LRRC66: variants seen among roughly 807,000 people sequenced by gnomAD.
LRRC66 encodes the protein leucine rich repeat containing 66.
LRRC66 carries 29 observed loss-of-function variants against 24.6 expected under a neutral mutation model. That is an observed-to-expected ratio of 1.18 (90% CI 0.88 to 1.61). The LOEUF (loss-of-function observed/expected upper bound fraction) is 1.61. Among genes scored for constraint, LRRC66 ranks in the 40% most tolerant of loss-of-function variants. The pLI, the probability that LRRC66 is intolerant of heterozygous loss-of-function variation, is 0.00. For missense variants in LRRC66, 1,124 were observed against 1,058.0 expected (o/e 1.06, Z -0.87); for synonymous variants, 411 against 397.6 (o/e 1.03, Z -0.40).
rs566085969 is a variant in LRRC66, at chr4:52,014,136, C to T, written c.496+2982G>A. On this transcript the variant is annotated intron_variant, in intron 2 of 4. Coordinates refer to ENST00000682860, the MANE Select transcript of LRRC66 (RefSeq NM_001024611.3). ...GGCTGGTGGCACATGCCTGTAAACCCAGCTACCTGGGAGGCTGAGGCAGAA... is the reference window on the plus strand; with the variant it reads ...GGCTGGTGGCACATGCCTGTAAACCTAGCTACCTGGGAGGCTGAGGCAGAA... Among the ~76,000 whole-genome samples the T allele has an allele frequency of 2.2e-4, 34 of 152,262 alleles. 1 individual carries two copies. In the South Asian group the frequency reaches 2.5e-3, roughly 11 times the overall value.
At chr4:52,015,248 G>A (rs921439279) in intron 2 of LRRC66, among the ~76,000 whole-genome samples, 1 of 152,098 alleles carries the variant, frequency 6.6e-6, no homozygotes, top group Non-Finnish European at 1.5e-5. Context: ...GAAAGTAGCT[G>A]AGTCTACAAG....
At chr4:52,006,620 G>A (rs1391202285) in intron 2 of LRRC66, among the ~76,000 whole-genome samples, 4 of 148,914 alleles carry the variant, frequency 2.7e-5, no homozygotes, top group African/African-American at 9.9e-5. Context: ...GTTAGTGGGT[G>A]CAGCGCACCA....
At position 51,996,223 on chromosome 4, in the gene LRRC66, G is replaced by T. The variant is rs567825894; in HGVS notation, c.857-58C>A. ...CGAACATTGAAATAAGATTTCAGGG[G>T]TTTTTCTCTTTTTTACAGAATTGAA... On this transcript the variant is annotated intron_variant, in intron 4 of 4. Coordinates refer to ENST00000682860, the MANE Select transcript of LRRC66 (RefSeq NM_001024611.3). The T allele has an allele frequency of 3.3e-4, 479 of 1,450,732 alleles. 1 individual carries two copies. The highest frequency in any genetic ancestry group is 3.3e-4 in the Non-Finnish European group (357 of 1,080,450). 89.9% of individuals were successfully genotyped at this position (1,450,732 alleles called of 1,614,324 possible).
At position 51,995,327 on chromosome 4, in the gene LRRC66, G is replaced by C. The variant is rs1172786123; in HGVS notation, c.1695C>G (p.Val565=). Residue 565 remains valine (V), a synonymous_variant, in exon 5 of 5, where the codon GTC becomes GTG. Coordinates refer to ENST00000682860, the MANE Select transcript of LRRC66 (RefSeq NM_001024611.3). The part of the protein sequence containing the change: ...VSSVAGTSHA[V]SGSSRYDSNE... ...TGGAATCATAACGGCTTGAGCCAGA[G>C]ACAGCGTGAGACGTGCCAGCTACAG... 2.6e-5 allele frequency: 42 copies of C among 1,614,088 alleles called. No individual in the cohort carries two copies. The highest frequency in any genetic ancestry group is 3.5e-5 in the Non-Finnish European group (41 of 1,180,034).
intron 2 of LRRC66, among the ~76,000 whole-genome samples, chr4:52,006,154 G>T (rs1278467479): frequency 1.3e-5 from 2 of 152,042 alleles, no homozygotes; most frequent in Non-Finnish European, 2.9e-5. Context: ...GATTCCTCAG[G>T]GATCTAGAAC....
Position 52,003,270 on chromosome 4 carries a change from T to C in LRRC66, c.619A>G (p.Ile207Val), listed in dbSNP as rs760118846. 6.2e-7 allele frequency: 1 copy of C among 1,613,712 alleles called. No homozygotes were observed. The change falls in exon 3 of 5, where the codon ATA becomes GTA. Residue 207 changes from isoleucine to valine, a missense_variant. Coordinates refer to ENST00000682860, the MANE Select transcript of LRRC66 (RefSeq NM_001024611.3). ...AAGGCTTGTGGGGGAATTTTGAATA[T>C]CTTGTTGCTCTTTAAACAGAGATTC... ...LENLCLKSNKIFKIPPQAFKD... is the reference protein window; with the variant it reads ...LENLCLKSNKVFKIPPQAFKD...
intron 3 of LRRC66, 114 bp downstream of exon 3, chr4:52,003,109 T>G: frequency 1.3e-6 from 1 of 788,470 alleles, no homozygotes; most frequent in South Asian, 2.2e-5. Context: ...CTAACAGTTT[T>G]TGATTAATAG....
intron 3 of LRRC66, among the ~76,000 whole-genome samples, chr4:52,002,961 T>C (rs116090409): frequency 6.6e-6 from 1 of 152,356 alleles, no homozygotes; most frequent in African/African-American, 2.4e-5. Flanking sequence ...GAGTTGGATA[T>C]AACTTGATTT....
intron 2 of LRRC66, among the ~76,000 whole-genome samples, chr4:52,012,003 G>A (rs556689254): frequency 6.6e-6 from 1 of 152,108 alleles, no homozygotes; most frequent in African/African-American, 2.4e-5. Context: ...TGGCCAATAT[G>A]GTGAAACCCC....
intron 4 of LRRC66, among the ~76,000 whole-genome samples, chr4:51,997,357 T>C (rs1418031229): frequency 6.6e-6 from 1 of 152,238 alleles, no homozygotes; most frequent in African/African-American, 2.4e-5. Flanking sequence ...AGATTATTTG[T>C]TAGGAATTTG....
Position 51,994,522 on chromosome 4 carries a change from C to A in LRRC66, c.2500G>T (p.Ala834Ser), listed in dbSNP as rs777472562. The stretch of plus-strand genomic sequence containing the variant: ...CTAAGTGAGCAATGCCATTCTGCTG[C>A]CTTGGATTGAAGAGCTGTGTCATAA... ...YDYDTALQSK[A>S]AEWHCSLRDL... Residue 834 changes from alanine to serine, a missense_variant, in exon 5 of 5, where the codon GCA becomes TCA. Ala to Ser is a moderately conservative substitution (Grantham distance 99). Coordinates refer to ENST00000682860, the MANE Select transcript of LRRC66 (RefSeq NM_001024611.3). The A allele has an allele frequency of 5.6e-6, 9 of 1,614,076 alleles. No individual in the cohort carries two copies. In the Admixed American group the frequency reaches 1.2e-4, roughly 21 times the overall value.
At chr4:52,004,101 C>G (rs374660702) in intron 2 of LRRC66, among the ~76,000 whole-genome samples, 2 of 152,226 alleles carry the variant, frequency 1.3e-5, no homozygotes, top group East Asian at 1.9e-4. Flanking sequence ...CTCCCGGGTT[C>G]GAGTGATTCT....
chr4:52,012,808 A>AAT (rs1736731198), intron 2 of LRRC66, among the ~76,000 whole-genome samples: 1 of 152,196 alleles, frequency 6.6e-6, no homozygotes, highest in Admixed American at 6.5e-5. Flanking sequence ...CTTTGCATTT[A>AAT]AGTGGCCAGA....
intron 2 of LRRC66, among the ~76,000 whole-genome samples, chr4:52,004,807 A>G (rs1225944913): frequency 6.6e-6 from 1 of 152,236 alleles, no homozygotes; most frequent in African/African-American, 2.4e-5. Context: ...AATTGTATAC[A>G]TGCTAAGCAA....
rs1736220281 is a variant in LRRC66 at position 51,993,803 on chromosome 4, T to G, written c.*576A>C. 6.6e-6 allele frequency: 1 copy of G among 152,264 alleles called. No individual in the cohort carries two copies. The highest frequency in any genetic ancestry group is 6.5e-5 in the Admixed American group (1 of 15,284). 9.4% of individuals were successfully genotyped at this position (152,264 alleles called of 1,614,324 possible). A position where few individuals can be genotyped will look rare whatever the true frequency, so the allele number is the denominator to read the frequency against. On this transcript the variant is annotated 3_prime_UTR_variant, in exon 5 of 5. Transcript: ENST00000682860. ...AGTTGTGCTAGTGTGTGTTCAGAAT[T>G]CATTAAAATCTATCCAGCATTTCCA...
chr4:51,995,914 CCT>C lies in LRRC66; in HGVS notation c.1106_1107del (p.Glu369GlyfsTer33), dbSNP rs760935321. 5.2e-5 allele frequency: 84 copies of C among 1,614,010 alleles called. No individual in the cohort carries two copies. Among genetic ancestry groups the C allele is most frequent in the Non-Finnish European group, 6.0e-5 (71 of 1,180,030 alleles). On this transcript the variant is annotated frameshift_variant, in exon 5 of 5. Coordinates refer to ENST00000682860, the MANE Select transcript of LRRC66 (RefSeq NM_001024611.3). LOFTEE classifies it low-confidence loss of function (END_TRUNC). ...TRDVQAAGKK[E>X]DAPQDLALAV... is the part of the protein sequence containing the mutation. ...GCCAGAGCCAGGTCCTGGGGAGCGT[CCT>C]CTTTTTTGCCGGCAGCCTGCACATC...
At chr4:52,013,092 C>T (rs1736734933) in intron 2 of LRRC66, among the ~76,000 whole-genome samples, 1 of 152,186 alleles carries the variant, frequency 6.6e-6, no homozygotes, top group South Asian at 2.1e-4. Flanking sequence ...TGTAGGTTAG[C>T]CAAAGGCCTT....
intron 3 of LRRC66, among the ~76,000 whole-genome samples, chr4:52,001,109 C>T (rs548917278): frequency 6.6e-5 from 10 of 152,176 alleles, no homozygotes; most frequent in East Asian, 3.9e-4. Context: ...AAAGAGCTTA[C>T]GATAGGGTAG....
Position 52,018,169 on chromosome 4 carries a change from G to C in LRRC66, c.-5-551C>G, listed in dbSNP as rs980721081. ...AAATACAAGTTTTGCTGTGTGGCTT[G>C]TGTGACTTTTCAAATCATTATGAAA... On this transcript the variant is annotated intron_variant, in intron 1 of 4. Transcript: ENST00000682860. 5.1e-6 allele frequency: 5 copies of C among 985,198 alleles called. No homozygotes were observed. The African/African-American group carries it at 7.0e-5, about 14-fold the overall frequency. The allele number at this position is 985,198 out of a possible 1,614,324, so 61.0% of individuals were successfully genotyped here.
Sources: gnomAD v4.1 joint callset for allele counts (sites outside exome capture counted in the v4.1 genomes callset) on GRCh38, gnomAD v4.1.1 for gene constraint, MANE v1.5 for transcripts, NCBI Gene and HGNC (gene_info 2026-07-23, HGNC 2026-07-21) for gene names.